The following KCNB2 variants were observed in gnomAD, a reference collection of about 807,000 sequenced individuals.
KCNB2 encodes delayed rectifier potassium channel protein.
Under a neutral mutation model 61.5 loss-of-function variants are expected in KCNB2, and 15 were observed. The ratio of observed to expected loss-of-function variants is 0.24; its 90% CI spans 0.16 to 0.38. KCNB2 has a LOEUF of 0.38. KCNB2 is among the 10% of genes least tolerant of loss of function. The probability of loss-of-function intolerance (pLI) is 1.00; values close to 1 mark genes in which losing one functional copy is unlikely to be tolerated. For missense variants in KCNB2, 828 were observed against 1,125.2 expected, an observed-to-expected ratio of 0.74 and a Z score of 3.78; for synonymous variants, 457 against 446.0, an observed-to-expected ratio of 1.02 and a Z score of -0.31.
intron 2 of KCNB2, among the ~76,000 whole-genome samples, chr8:72,784,559 C>T (rs1370595050): frequency 1.3e-5 from 2 of 152,142 alleles, no homozygotes; most frequent in East Asian, 3.8e-4. Context: ...GAAGGGGAAG[C>T]AAACATGTCC....
intron 2 of KCNB2, among the ~76,000 whole-genome samples, chr8:72,717,083 T>C (rs1460970016): frequency 2.6e-5 from 4 of 151,940 alleles, no homozygotes; most frequent in Admixed American, 6.5e-5. Context: ...AGGAATAAAA[T>C]ACCTAGGAAT....
chr8:72,694,361 A>G (rs1435856591), intron 2 of KCNB2, among the ~76,000 whole-genome samples: 2 of 152,196 alleles, frequency 1.3e-5, no homozygotes, highest in Non-Finnish European at 2.9e-5. Flanking sequence ...CTCAGTATTC[A>G]GAAATACCAG....
intron 2 of KCNB2, among the ~76,000 whole-genome samples, chr8:72,610,151 C>T (rs1805515459): frequency 6.6e-6 from 1 of 152,058 alleles, no homozygotes; most frequent in Non-Finnish European, 1.5e-5. Context: ...AGGATTAGAG[C>T]AGGTAATTGT....
chr8:72,670,020 G>A (rs984616500), intron 2 of KCNB2, among the ~76,000 whole-genome samples: 2 of 152,176 alleles, frequency 1.3e-5, no homozygotes, highest in East Asian at 1.9e-4. Flanking sequence ...TAGCTGGATC[G>A]CTTGACTACA....
At chr8:72,850,505 G>A (rs1004520303) in intron 2 of KCNB2, among the ~76,000 whole-genome samples, 2 of 152,096 alleles carry the variant, frequency 1.3e-5, no homozygotes, top group African/African-American at 4.8e-5. Flanking sequence ...ACAGGTGTGA[G>A]CCACTGCACC....
chr8:72,823,796 G>A (rs1375717786), intron 2 of KCNB2, among the ~76,000 whole-genome samples: 2 of 152,132 alleles, frequency 1.3e-5, no homozygotes, highest in African/African-American at 4.8e-5. Flanking sequence ...GGTGACACAG[G>A]AAATGCAAAG....
At chr8:72,626,179 A>C (rs1447374211) in intron 2 of KCNB2, among the ~76,000 whole-genome samples, 1 of 152,138 alleles carries the variant, frequency 6.6e-6, no homozygotes, top group African/African-American at 2.4e-5. Context: ...GAATTTCCAC[A>C]CAAGCTACCT....
chr8:72,754,172 A>G (rs1027357378), intron 2 of KCNB2, among the ~76,000 whole-genome samples: 7 of 152,150 alleles, frequency 4.6e-5, no homozygotes, highest in African/African-American at 1.7e-4. Context: ...AATAAATTGT[A>G]ACAGGCCAAT....
intron 2 of KCNB2, among the ~76,000 whole-genome samples, chr8:72,910,504 C>A (rs965551219): frequency 1.3e-5 from 2 of 151,896 alleles, no homozygotes; most frequent in African/African-American, 2.4e-5. Context: ...TGAAAAGTAA[C>A]CAGGAAGGTA....
At chr8:72,543,700 A>G (rs1007734316) in intron 1 of KCNB2, among the ~76,000 whole-genome samples, 1 of 152,182 alleles carries the variant, frequency 6.6e-6, no homozygotes, top group Non-Finnish European at 1.5e-5. Context: ...TTTTTTATTT[A>G]CATATATGTC....
At chr8:72,674,350 A>T (rs994699900) in intron 2 of KCNB2, among the ~76,000 whole-genome samples, 1 of 152,224 alleles carries the variant, frequency 6.6e-6, no homozygotes. Flanking sequence ...GCTAAACACC[A>T]TTTATGTTAA....
At chr8:72,651,771 T>G in intron 2 of KCNB2, among the ~76,000 whole-genome samples, 1 of 152,128 alleles carries the variant, frequency 6.6e-6, no homozygotes, top group East Asian at 1.9e-4. Flanking sequence ...ATTGTATCAT[T>G]TCATGATACA....
At chr8:72,935,509 G>A (rs1280904310) in intron 2 of KCNB2, among the ~76,000 whole-genome samples, 1 of 152,188 alleles carries the variant, frequency 6.6e-6, no homozygotes, top group African/African-American at 2.4e-5. Flanking sequence ...ATTTTTAATT[G>A]TAGAATGAAA....
At position 72,933,549 on chromosome 8, in the gene KCNB2, C is replaced by A. The variant is rs17777242; in HGVS notation, c.580-2386C>A. On this transcript the variant is annotated intron_variant, in intron 2 of 2. Transcript: ENST00000523207. ...GGCAGTAATCCCAATACTTAAAATGCCCAAAGATGTATTAGCAACAGCGTG... is the reference window on the plus strand; with the variant it reads ...GGCAGTAATCCCAATACTTAAAATGACCAAAGATGTATTAGCAACAGCGTG... Among the ~76,000 whole-genome samples the A allele has an allele frequency of 5.6e-3, 858 of 152,254 alleles. 1 individual carries two copies. The highest frequency in any genetic ancestry group is 9.7e-3 in the Non-Finnish European group (661 of 68,010).
intron 2 of KCNB2, among the ~76,000 whole-genome samples, chr8:72,587,115 G>T (rs551803347): frequency 6.6e-6 from 1 of 152,170 alleles, no homozygotes. Context: ...TACTCAGTAT[G>T]TATAGACTGG....
intron 2 of KCNB2, among the ~76,000 whole-genome samples, chr8:72,808,368 A>G (rs187150719): frequency 1.3e-5 from 2 of 152,338 alleles, no homozygotes; most frequent in East Asian, 3.9e-4. Context: ...TTTTTAGATG[A>G]CAACATACGA....
At chr8:72,649,963 C>T (rs947466940) in intron 2 of KCNB2, among the ~76,000 whole-genome samples, 3 of 152,152 alleles carry the variant, frequency 2.0e-5, no homozygotes, top group African/African-American at 7.2e-5. Flanking sequence ...GGTAATAATG[C>T]AGTGAACTTG....
intron 2 of KCNB2, among the ~76,000 whole-genome samples, chr8:72,849,146 G>A (rs1810049428): frequency 8.6e-6 from 1 of 116,730 alleles, no homozygotes; most frequent in Admixed American, 7.9e-5. Flanking sequence ...TCCATCATCA[G>A]CCTTGTAATT....
At chr8:72,841,092 G>A (rs1403737438) in intron 2 of KCNB2, among the ~76,000 whole-genome samples, 2 of 152,130 alleles carry the variant, frequency 1.3e-5, no homozygotes, top group Non-Finnish European at 2.9e-5. Flanking sequence ...AAGGTGTAAG[G>A]AAAGGGTCTA....
Sources: allele counts gnomAD v4.1 joint callset (sites outside exome capture counted in the v4.1 genomes callset), GRCh38; gene constraint gnomAD v4.1.1; transcripts MANE v1.5; gene names NCBI Gene and HGNC (gene_info 2026-07-23, HGNC 2026-07-21).